The following GABRG3 variants were observed in gnomAD, a reference collection of about 807,000 sequenced individuals.
GABRG3 encodes gamma-aminobutyric acid type A receptor subunit gamma3, also known as gamma-aminobutyric acid receptor subunit gamma-3.
In GABRG3, 25 loss-of-function variants were observed where a neutral mutation model predicts 48.8. That is an observed-to-expected ratio of 0.51 (90% confidence interval 0.37 to 0.72). The LOEUF (loss-of-function observed/expected upper bound fraction) is 0.72, where lower values mean the gene tolerates loss of function less well. GABRG3 is among the 30% of genes least tolerant of loss of function. The pLI is 0.00. For synonymous variants in GABRG3, 227 were observed against 217.6 expected (o/e 1.04, Z -0.38); for missense variants, 394 against 577.9 (o/e 0.68, Z 3.26).
At chr15:27,253,118 CAT>C (rs1890511724) in intron 3 of GABRG3, among the ~76,000 whole-genome samples, 1 of 152,202 alleles carries the variant, frequency 6.6e-6, no homozygotes, top group African/African-American at 2.4e-5. Context: ...GGGTGTCACT[CAT>C]GTAGTCACCG....
intron 3 of GABRG3, among the ~76,000 whole-genome samples, chr15:27,309,514 A>G (rs1892925544): frequency 6.6e-6 from 1 of 152,012 alleles, no homozygotes; most frequent in African/African-American, 2.4e-5. Context: ...AAAAGGCATG[A>G]ACAAACACTT....
intron 3 of GABRG3, among the ~76,000 whole-genome samples, chr15:27,246,181 C>T (rs1020037192): frequency 6.6e-6 from 1 of 152,120 alleles, no homozygotes; most frequent in Non-Finnish European, 1.5e-5. Context: ...AGGCAGATAT[C>T]CAAACCATAT....
At chr15:27,061,723 T>C (rs1896650190) in intron 3 of GABRG3, among the ~76,000 whole-genome samples, 1 of 152,158 alleles carries the variant, frequency 6.6e-6, no homozygotes, top group Non-Finnish European at 1.5e-5. Flanking sequence ...TTTTCCCTGC[T>C]AACTGCAGTG....
chr15:27,248,801 C>CAGAGAGAGAGAG (rs1282566859), intron 3 of GABRG3, among the ~76,000 whole-genome samples: 11 of 120,640 alleles, frequency 9.1e-5, no homozygotes, highest in African/African-American at 4.0e-4. Flanking sequence ...CACACACACA[C>CAGAGAGAGAGAG]ACAGAGAGAG....
At chr15:27,220,050 A>C (rs1162619497) in intron 3 of GABRG3, among the ~76,000 whole-genome samples, 2 of 152,128 alleles carry the variant, frequency 1.3e-5, no homozygotes, top group Admixed American at 6.5e-5. Context: ...AGCAAGAGAG[A>C]GGCATTTATC....
At chr15:26,983,856 C>T (rs867582232) in intron 2 of GABRG3, among the ~76,000 whole-genome samples, 5 of 152,190 alleles carry the variant, frequency 3.3e-5, no homozygotes, top group Non-Finnish European at 5.9e-5. Flanking sequence ...TACTTCTCCA[C>T]TACCATTTGC....
intron 3 of GABRG3, among the ~76,000 whole-genome samples, chr15:27,098,990 G>A (rs998708827): frequency 1.2e-4 from 19 of 152,092 alleles, no homozygotes; most frequent in African/African-American, 4.3e-4. Context: ...CCCCAGTCCC[G>A]TAATATGTCC....
chr15:27,019,213 C>A (rs1049837919), intron 2 of GABRG3, among the ~76,000 whole-genome samples: 1 of 151,700 alleles, frequency 6.6e-6, no homozygotes, highest in Non-Finnish European at 1.5e-5. Context: ...GGACTACAGG[C>A]GCCCGCCACC....
chr15:27,122,089 A>G (rs917155981), intron 3 of GABRG3, among the ~76,000 whole-genome samples: 8 of 152,226 alleles, frequency 5.3e-5, no homozygotes, highest in Non-Finnish European at 1.2e-4. Context: ...ACATTTTAAA[A>G]TAACTAAAAG....
chr15:27,291,948 A>G (rs1320205278), intron 3 of GABRG3, among the ~76,000 whole-genome samples: 2 of 152,210 alleles, frequency 1.3e-5, no homozygotes, highest in African/African-American at 4.8e-5. Flanking sequence ...GGACATTTGT[A>G]TGCAAGGATA....
At chr15:27,306,461 T>C (rs564511159) in intron 3 of GABRG3, among the ~76,000 whole-genome samples, 7 of 140,242 alleles carry the variant, frequency 5.0e-5, no homozygotes, top group Non-Finnish European at 9.1e-5. Flanking sequence ...CATATAAACA[T>C]AAACATGTCT....
chr15:27,494,279 T>A (rs1359369027), intron 6 of GABRG3, among the ~76,000 whole-genome samples: 1 of 152,088 alleles, frequency 6.6e-6, no homozygotes, highest in African/African-American at 2.4e-5. Flanking sequence ...AATATTAATA[T>A]TGTATCAATT....
intron 3 of GABRG3, among the ~76,000 whole-genome samples, chr15:27,057,377 C>T (rs1896568308): frequency 6.6e-6 from 1 of 152,214 alleles, no homozygotes; most frequent in Non-Finnish European, 1.5e-5. Context: ...AACCAGCTTA[C>T]AGGAAGGCAT....
intron 5 of GABRG3, among the ~76,000 whole-genome samples, chr15:27,459,391 C>A (rs951442819): frequency 7.9e-5 from 12 of 152,192 alleles, no homozygotes; most frequent in Non-Finnish European, 1.5e-4. Context: ...GGTATCATCA[C>A]CCAAACCATG....
chr15:27,423,579 T>G (rs1358263132), intron 5 of GABRG3, among the ~76,000 whole-genome samples: 1 of 151,486 alleles, frequency 6.6e-6, no homozygotes, highest in Non-Finnish European at 1.5e-5. Context: ...AGGGTCTTAT[T>G]CTGTCGCCAA....
chr15:27,309,839 T>G (rs1892935302), intron 3 of GABRG3, among the ~76,000 whole-genome samples: 1 of 152,006 alleles, frequency 6.6e-6, no homozygotes, highest in Non-Finnish European at 1.5e-5. Flanking sequence ...GATGAAAAAT[T>G]TATTTCCACA....
chr15:27,031,918 C>G (rs907921256), intron 3 of GABRG3, among the ~76,000 whole-genome samples: 3 of 152,172 alleles, frequency 2.0e-5, no homozygotes, highest in African/African-American at 7.2e-5. Context: ...TGCATTTCTC[C>G]TGCGTAAAGT....
chr15:27,105,871 A>G (rs1897441035), intron 3 of GABRG3, among the ~76,000 whole-genome samples: 1 of 152,134 alleles, frequency 6.6e-6, no homozygotes, highest in Non-Finnish European at 1.5e-5. Flanking sequence ...TATGGAAACA[A>G]CCTAAGTGTA....
At chr15:27,328,924 T>C in intron 5 of GABRG3, 36 bp downstream of exon 5, 1 of 1,518,622 alleles carries the variant, frequency 6.6e-7, no homozygotes, top group Non-Finnish European at 9.1e-7. Flanking sequence ...GTGCATGCTG[T>C]GTGAGGGATG....
Sources: allele counts gnomAD v4.1 joint callset (sites outside exome capture counted in the v4.1 genomes callset), GRCh38; gene constraint gnomAD v4.1.1; transcripts MANE v1.5; gene names NCBI Gene and HGNC (gene_info 2026-07-23, HGNC 2026-07-21).